Variants in DOK5 observed in about 807,000 individuals in gnomAD.
DOK5 encodes docking protein 5, also known as downstream of tyrosine kinase 5.
Under a neutral mutation model 43.3 loss-of-function variants are expected in DOK5, and 27 were observed. The observed-to-expected ratio is 0.62, with a 90% confidence interval of 0.46 to 0.86. The LOEUF (loss-of-function observed/expected upper bound fraction) is 0.86, where lower values mean the gene tolerates loss of function less well. Among genes scored for constraint, DOK5 ranks in the 40% least tolerant of loss-of-function variants. DOK5 has a pLI of 0.00. For synonymous variants in DOK5, 146 were observed against 140.1 expected, an observed-to-expected ratio of 1.04 and a Z score of -0.30; for missense variants, 373 against 392.9, an observed-to-expected ratio of 0.95 and a Z score of 0.43.
At chr20:54,491,571 A>G (rs1982178408) in intron 1 of DOK5, among the ~76,000 whole-genome samples, 1 of 152,148 alleles carries the variant, frequency 6.6e-6, no homozygotes, top group Non-Finnish European at 1.5e-5. Flanking sequence ...TGCTATGAGC[A>G]GACCATGTCA....
At chr20:54,560,069 A>G (rs1300044081) in intron 2 of DOK5, among the ~76,000 whole-genome samples, 3 of 152,206 alleles carry the variant, frequency 2.0e-5, no homozygotes, top group Non-Finnish European at 4.4e-5. Context: ...GCTTCCGCAC[A>G]ATGAGCTAAT....
chr20:54,618,445 G>A (rs1422383730), intron 6 of DOK5, among the ~76,000 whole-genome samples: 1 of 151,932 alleles, frequency 6.6e-6, no homozygotes, highest in African/African-American at 2.4e-5. Flanking sequence ...CCGGGTTCAA[G>A]CGATTCTTCC....
Position 54,589,601 on chromosome 20 carries a change from C to T in DOK5, c.409+795C>T, listed in dbSNP as rs548640368. 5.3e-5 allele frequency among the ~76,000 whole-genome samples: 8 copies of T among 152,218 alleles called. No homozygotes were observed. The East Asian group carries it at 1.5e-3, about 29-fold the overall frequency. ...AGCCTGGGGACGGGGTAGATCAGATCACAGAGTTCTGCTGTAGGCTGACTT... is the reference window on the plus strand; with the variant it reads ...AGCCTGGGGACGGGGTAGATCAGATTACAGAGTTCTGCTGTAGGCTGACTT... On this transcript the variant is annotated intron_variant, in intron 4 of 7. Transcript: ENST00000262593.
intron 6 of DOK5, among the ~76,000 whole-genome samples, chr20:54,633,592 A>G (rs968963152): frequency 1.3e-5 from 2 of 152,188 alleles, no homozygotes; most frequent in Non-Finnish European, 2.9e-5. Context: ...GTGGCTTCTG[A>G]CTCAGCTGAA....
chr20:54,476,315 G>C, intron 1 of DOK5: 1 of 776,472 alleles, frequency 1.3e-6, no homozygotes, highest in South Asian at 5.8e-5. Context: ...GGAAGTTGGA[G>C]CTGAGAAGCC....
intron 1 of DOK5, among the ~76,000 whole-genome samples, chr20:54,507,369 A>G (rs1982848111): frequency 6.6e-6 from 1 of 152,262 alleles, no homozygotes; most frequent in Non-Finnish European, 1.5e-5. Flanking sequence ...TAAAAAATAA[A>G]GTGAAATAGG....
At chr20:54,551,190 C>A (rs920132230) in intron 1 of DOK5, among the ~76,000 whole-genome samples, 1 of 152,178 alleles carries the variant, frequency 6.6e-6, no homozygotes, top group African/African-American at 2.4e-5. Flanking sequence ...TGAACATCTG[C>A]GCACCCTCTC....
At chr20:54,574,644 G>T (rs902266875) in intron 2 of DOK5, among the ~76,000 whole-genome samples, 1 of 152,098 alleles carries the variant, frequency 6.6e-6, no homozygotes, top group South Asian at 2.1e-4. Flanking sequence ...CTGGATCTCT[G>T]CAGATTATAT....
intron 2 of DOK5, among the ~76,000 whole-genome samples, chr20:54,581,460 G>T (rs1299213969): frequency 6.7e-6 from 1 of 150,242 alleles, no homozygotes; most frequent in East Asian, 1.9e-4. Context: ...TAGATTGTAT[G>T]TTAAGTCTTT....
At chr20:54,509,704 C>T (rs978907256) in intron 1 of DOK5, among the ~76,000 whole-genome samples, 10 of 152,156 alleles carry the variant, frequency 6.6e-5, no homozygotes, top group African/African-American at 2.4e-4. Flanking sequence ...CCTTTCTCTC[C>T]TCTCCACTTC....
At chr20:54,592,317 T>G (rs1986000091) in intron 5 of DOK5, among the ~76,000 whole-genome samples, 1 of 152,188 alleles carries the variant, frequency 6.6e-6, no homozygotes, top group South Asian at 2.1e-4. Context: ...AAGAGATTAA[T>G]GCTAAAACTT....
chr20:54,610,940 AACTGTTG>A (rs2146793589), intron 6 of DOK5, among the ~76,000 whole-genome samples: 1 of 152,340 alleles, frequency 6.6e-6, no homozygotes, highest in South Asian at 2.1e-4. Flanking sequence ...AAGACCAGAC[AACTGTTG>A]ACATGAGAAC....
At chr20:54,480,403 T>C (rs937194481) in intron 1 of DOK5, among the ~76,000 whole-genome samples, 4 of 152,184 alleles carry the variant, frequency 2.6e-5, no homozygotes, top group African/African-American at 4.8e-5. Context: ...TACGTGGCGC[T>C]ACCCCCACCA....
intron 1 of DOK5, among the ~76,000 whole-genome samples, chr20:54,541,650 T>G (rs950303284): frequency 6.6e-6 from 1 of 152,038 alleles, no homozygotes; most frequent in Non-Finnish European, 1.5e-5. Context: ...TTGGCCAGGC[T>G]GGTCTAGAAC....
intron 5 of DOK5, among the ~76,000 whole-genome samples, chr20:54,599,668 T>G (rs1986248303): frequency 6.6e-6 from 1 of 152,214 alleles, no homozygotes; most frequent in South Asian, 2.1e-4. Context: ...TGAGGCAAAA[T>G]TAGGCACTCA....
chr20:54,552,206 CGTT>C (rs1453877379), intron 1 of DOK5, among the ~76,000 whole-genome samples: 1 of 151,896 alleles, frequency 6.6e-6, no homozygotes, highest in African/African-American at 2.4e-5. Flanking sequence ...CCAGAGAAAA[CGTT>C]GTTAACATTT....
At chr20:54,517,920 C>T (rs181049548) in intron 1 of DOK5, among the ~76,000 whole-genome samples, 2 of 152,302 alleles carry the variant, frequency 1.3e-5, no homozygotes, top group East Asian at 3.9e-4. Flanking sequence ...TTGGACTTCT[C>T]AGCCTCCAGA....
At chr20:54,614,674 G>A (rs1156369303) in intron 6 of DOK5, among the ~76,000 whole-genome samples, 4 of 152,112 alleles carry the variant, frequency 2.6e-5, no homozygotes, top group African/African-American at 9.7e-5. Flanking sequence ...AATGTCACTT[G>A]CTCTTAATTT....
intron 7 of DOK5, among the ~76,000 whole-genome samples, chr20:54,649,722 GCTGA>G (rs1225240960): frequency 6.6e-6 from 1 of 152,188 alleles, no homozygotes; most frequent in Non-Finnish European, 1.5e-5. Context: ...GATCCAGCCT[GCTGA>G]CTATTTTCAT....
Sources: allele counts gnomAD v4.1 joint callset (sites outside exome capture counted in the v4.1 genomes callset), GRCh38; gene constraint gnomAD v4.1.1; transcripts MANE v1.5; gene names NCBI Gene and HGNC (gene_info 2026-07-23, HGNC 2026-07-21).